Variants in ZNF343 observed in about 807,000 individuals in gnomAD.
ZNF343 encodes the protein zinc finger protein 343.
Under a neutral mutation model 13.8 loss-of-function variants are expected in ZNF343, and 11 were observed. The observed-to-expected ratio is 0.80, with a 90% CI of 0.50 to 1.32. The LOEUF is 1.32. ZNF343 is among the 40% of genes most tolerant of loss of function. The probability of loss-of-function intolerance (pLI) is 0.00; values close to 1 mark genes in which losing one functional copy is unlikely to be tolerated. For synonymous variants in ZNF343, 248 were observed against 260.0 expected (o/e 0.95, Z 0.44); for missense variants, 658 against 714.2 (o/e 0.92, Z 0.90).
chr20:2,524,144 A>G (rs1305439357), intron 1 of ZNF343, among the ~76,000 whole-genome samples: 1 of 151,922 alleles, frequency 6.6e-6, no homozygotes, highest in African/African-American at 2.4e-5. Flanking sequence ...ACATAGTAAG[A>G]CCCTGTCTCT....
upstream of ZNF343, among the ~76,000 whole-genome samples, chr20:2,512,873 C>A (rs563811794): frequency 2.0e-5 from 3 of 149,028 alleles, no homozygotes; most frequent in Admixed American, 2.0e-4. Context: ...ATCATTTGAG[C>A]TCAGGAGGTC....
At chr20:2,504,448 T>G (rs1568488557) in intron 1 of ZNF343, among the ~76,000 whole-genome samples, 1 of 152,202 alleles carries the variant, frequency 6.6e-6, no homozygotes, top group Non-Finnish European at 1.5e-5. Context: ...TAACTCATTT[T>G]ATGAGGCCAG....
At position 2,493,921 on chromosome 20, in the gene ZNF343, C is replaced by T. The variant is rs757569170; in HGVS notation, c.-26G>A. ...GGCGCCAGAGTCAGCCCAGTGTGTG[C>T]CTTGAAATTCTGCCAGAGGTCCAGG... On this transcript the variant is annotated 5_prime_UTR_variant, in exon 3 of 6. Coordinates refer to ENST00000278772, the MANE Select transcript of ZNF343 (RefSeq NM_024325.6). 13 of 1,496,586 alleles carry T rather than the reference C, an allele frequency of 8.7e-6. 1 individual carries two copies. In the East Asian group the frequency reaches 2.9e-4, roughly 34 times the overall value. 92.7% of individuals were successfully genotyped at this position (1,496,586 alleles called of 1,614,324 possible).
chr20:2,510,327 T>G (rs929863106), upstream of ZNF343, among the ~76,000 whole-genome samples: 2 of 152,234 alleles, frequency 1.3e-5, no homozygotes, highest in Admixed American at 6.5e-5. Flanking sequence ...GGCATCTGAT[T>G]AGCAGATTGT....
intron 1 of ZNF343, among the ~76,000 whole-genome samples, chr20:2,523,867 C>G (rs903749728): frequency 6.6e-6 from 1 of 151,268 alleles, no homozygotes; most frequent in Non-Finnish European, 1.5e-5. Flanking sequence ...CTTTCTTACA[C>G]ACGATCCAAG....
Position 2,502,883 on chromosome 20 carries a change from G to T in ZNF343, c.-236-2141C>A, listed in dbSNP as rs547382265. Among the ~76,000 whole-genome samples, 626 of 152,254 alleles carry T rather than the reference G, an allele frequency of 4.1e-3. 3 individuals are homozygous for T. The highest frequency in any genetic ancestry group is 0.014 in the African/African-American group (592 of 41,546). On this transcript the variant is annotated intron_variant, in intron 1 of 5. Transcript: ENST00000278772. The stretch of plus-strand genomic sequence containing the variant: ...ATGCCAAATTGTAAAGACCATTGAG[G>T]CTAGGAAGAAACTGCATCAACTAAC...
At chr20:2,519,953 T>G (rs1218497044) in intron 1 of ZNF343, among the ~76,000 whole-genome samples, 1 of 152,226 alleles carries the variant, frequency 6.6e-6, no homozygotes, top group Non-Finnish European at 1.5e-5. Context: ...TGTAAGATTA[T>G]TTTCTCTAAT....
upstream of ZNF343, among the ~76,000 whole-genome samples, chr20:2,510,081 C>T (rs1233988927): frequency 6.6e-6 from 1 of 152,178 alleles, no homozygotes; most frequent in African/African-American, 2.4e-5. Context: ...GCTCCAAACT[C>T]GTAACTGCCC....
rs2122522757 is a variant in ZNF343 at position 2,483,028 on chromosome 20, G to A, written c.*133C>T. 9.0e-7 allele frequency: 1 copy of A among 1,108,948 alleles called. No homozygotes were observed. The highest frequency in any genetic ancestry group is 1.3e-6 in the Non-Finnish European group (1 of 788,104). 68.7% of individuals were successfully genotyped at this position (1,108,948 alleles called of 1,614,324 possible). ...GTCCCTCCCATGCCTGATAAGGGCT[G>A]ACACATCTCTGGAACTTCACTCACA... On this transcript the variant is annotated 3_prime_UTR_variant, in exon 6 of 6. Transcript: ENST00000278772.
Position 2,493,761 on chromosome 20 carries a change from C to G in ZNF343, c.118+17G>C. ...TGGCTTCCTCTTCATCCCTCCGGCT[C>G]CCTCAACAATTCTCACCTTTCGCTT... is the stretch of plus-strand genomic sequence containing the variant. On this transcript the variant is annotated intron_variant, in intron 3 of 5. Transcript: ENST00000278772. The G allele has an allele frequency of 6.3e-7, 1 of 1,599,270 alleles. No homozygotes were observed. Among genetic ancestry groups the G allele is most frequent in the Non-Finnish European group, 8.6e-7 (1 of 1,166,542 alleles).
chr20:2,484,117 A>C lies in ZNF343; in HGVS notation c.844T>G (p.Ser282Ala). Residue 282 changes from serine (S) to alanine (A), a missense_variant, in exon 6 of 6, where the codon TCA (serine) becomes GCA (alanine). Transcript: ENST00000278772. Reference protein sequence around the residue: ...SDCGRSFKDRSTLIRHHRIHS... With the variant: ...SDCGRSFKDRATLIRHHRIHS... Reference sequence around the variant, plus strand: ...ATACGATGGTGTCTGATGAGGGTTGATCTATCTTTAAAGCTTCGCCCACAA... The same window carrying C: ...ATACGATGGTGTCTGATGAGGGTTGCTCTATCTTTAAAGCTTCGCCCACAA... 6.2e-7 allele frequency: 1 copy of C among 1,614,212 alleles called. No individual in the cohort carries two copies. Among genetic ancestry groups the C allele is most frequent in the Non-Finnish European group, 8.5e-7 (1 of 1,180,048 alleles).
In ZNF343 at chr20:2,483,100, A is replaced by C; in HGVS notation, c.*61T>G. 6.5e-7 allele frequency: 1 copy of C among 1,537,346 alleles called. No homozygotes were observed. The highest frequency in any genetic ancestry group is 1.3e-5 in the South Asian group (1 of 78,314). ...TCCCCATGTGTCTCTCTGGGGTAAC[A>C]TGAGGCTTGACTGGTCACTCAGGTC... On this transcript the variant is annotated 3_prime_UTR_variant, in exon 6 of 6. Transcript: ENST00000278772.
upstream of ZNF343, among the ~76,000 whole-genome samples, chr20:2,524,980 C>A (rs2085798991): frequency 6.6e-6 from 1 of 152,234 alleles, no homozygotes; most frequent in Admixed American, 6.5e-5. Context: ...CGAATGGAAT[C>A]CCCGCTTCCC....
intron 4 of ZNF343, 104 bp from the exon 5 acceptor site, chr20:2,492,929 T>C: frequency 2.0e-6 from 3 of 1,510,970 alleles, no homozygotes; most frequent in Non-Finnish European, 1.8e-6. Context: ...CAAGTTGATG[T>C]AATTCGTCAG....
intron 1 of ZNF343, among the ~76,000 whole-genome samples, chr20:2,515,876 C>T (rs145733206): frequency 0.012 from 1,760 of 152,084 alleles, 28 homozygotes; most frequent in Non-Finnish European, 0.018. Context: ...GGCGATGATC[C>T]GTATCTGCAT....
At position 2,483,374 on chromosome 20, in the gene ZNF343, G is replaced by C. The variant is rs1322889306; in HGVS notation, c.1587C>G (p.Gly529=). 13 of 1,612,740 alleles carry C rather than the reference G, an allele frequency of 8.1e-6. No homozygotes were observed. In the African/African-American group the frequency reaches 1.5e-4, roughly 18 times the overall value. The change falls in exon 6 of 6, where the codon GGC becomes GGG. Residue 529 remains glycine, a synonymous_variant. Coordinates refer to ENST00000278772, the MANE Select transcript of ZNF343 (RefSeq NM_024325.6). ...KPYICRECGR[G]FCDKSTLIVH... ...CAATGAGGGTTGACTTGTCACAAAAGCCTCGCCCACATTCCCTGCAAATAT... is the reference window on the plus strand; with the variant it reads ...CAATGAGGGTTGACTTGTCACAAAACCCTCGCCCACATTCCCTGCAAATAT...
At chr20:2,489,109 T>A (rs2085326618) in intron 5 of ZNF343, among the ~76,000 whole-genome samples, 1 of 152,220 alleles carries the variant, frequency 6.6e-6, no homozygotes, top group Non-Finnish European at 1.5e-5. Context: ...TTAGATACCA[T>A]TAACTTTGTT....
At chr20:2,486,310 A>C (rs1215496984) in intron 5 of ZNF343, among the ~76,000 whole-genome samples, 1 of 152,244 alleles carries the variant, frequency 6.6e-6, no homozygotes, top group Non-Finnish European at 1.5e-5. Context: ...CTAGGAAAGT[A>C]TCATCATTTC....
Position 2,484,176 on chromosome 20 carries a change from G to T in ZNF343, c.785C>A (p.Thr262Asn). 1 of 1,614,176 alleles carries T rather than the reference G, an allele frequency of 6.2e-7. No homozygotes were observed. The highest frequency in any genetic ancestry group is 2.2e-5 in the East Asian group (1 of 44,892). Residue 262 changes from threonine to asparagine, a missense_variant, in exon 6 of 6, where the codon ACC becomes AAC. Physicochemically the swap from Thr to Asn is moderately conservative, Grantham distance 65 (BLOSUM62 0). Coordinates refer to ENST00000278772, the MANE Select transcript of ZNF343 (RefSeq NM_024325.6). ...LESNFITNPRTLLGKKPYICS... is the reference protein window; with the variant it reads ...LESNFITNPRNLLGKKPYICS... ...AATGTAGGGCTTCTTCCCTAAGAGGGTCCTCGGGTTTGTAATAAAGTTTGA... is the reference window on the plus strand; with the variant it reads ...AATGTAGGGCTTCTTCCCTAAGAGGTTCCTCGGGTTTGTAATAAAGTTTGA...
Sources: gnomAD v4.1 joint callset for allele counts (sites outside exome capture counted in the v4.1 genomes callset) on GRCh38, gnomAD v4.1.1 for gene constraint, MANE v1.5 for transcripts, NCBI Gene and HGNC (gene_info 2026-07-23, HGNC 2026-07-21) for gene names.